The following SEC63 variants were observed in gnomAD, a reference collection of about 807,000 sequenced individuals.
SEC63 encodes translocation protein SEC63 homolog.
In SEC63, 56 loss-of-function variants were observed where a neutral mutation model predicts 116.2. The observed-to-expected ratio is 0.48, with a 90% CI of 0.39 to 0.60. The LOEUF is 0.60. SEC63 is among the 20% of genes least tolerant of loss of function. The pLI is 0.00. For synonymous variants in SEC63, 273 were observed against 294.6 expected, an observed-to-expected ratio of 0.93 and a Z score of 0.75; for missense variants, 668 against 900.0, an observed-to-expected ratio of 0.74 and a Z score of 3.30.
chr6:107,919,348 A>G (rs528539247), intron 4 of SEC63, among the ~76,000 whole-genome samples: 11 of 152,356 alleles, frequency 7.2e-5, no homozygotes, highest in African/African-American at 2.6e-4. Context: ...CTGCAATCTC[A>G]TGATCGAACT....
chr6:107,868,303 G>A lies in SEC63; in HGVS notation c.*3401C>T, dbSNP rs1786046794. 1.3e-5 allele frequency: 2 copies of A among 152,078 alleles called. No homozygotes were observed. The highest frequency in any genetic ancestry group is 4.8e-5 in the African/African-American group (2 of 41,404). The allele number at this position is 152,078 out of a possible 1,614,324, so 9.4% of individuals were successfully genotyped here. On this transcript the variant is annotated 3_prime_UTR_variant, in exon 21 of 21. Coordinates refer to ENST00000369002, the MANE Select transcript of SEC63 (RefSeq NM_007214.5). ...TTTCCAAAAAAACCCAACAGGCTGG[G>A]CGCAGTGGCTCATGCCTGTAATGCC... is the stretch of plus-strand genomic sequence containing the variant.
At chr6:107,886,580 T>A (rs1327155636) in intron 16 of SEC63, among the ~76,000 whole-genome samples, 1 of 152,156 alleles carries the variant, frequency 6.6e-6, no homozygotes, top group Non-Finnish European at 1.5e-5. Context: ...CTCATTGTGG[T>A]TTTGATTTGC....
intron 19 of SEC63, among the ~76,000 whole-genome samples, chr6:107,874,567 G>A (rs1480725187): frequency 8.0e-5 from 11 of 138,102 alleles, no homozygotes; most frequent in Admixed American, 4.0e-4. Context: ...CTGCACTCCA[G>A]CCTGGGCGAC....
intron 4 of SEC63, among the ~76,000 whole-genome samples, chr6:107,914,704 G>A (rs1391578637): frequency 6.6e-6 from 1 of 152,094 alleles, no homozygotes; most frequent in East Asian, 1.9e-4. Context: ...TTTTGTCCTA[G>A]ATCCCCTGTA....
chr6:107,886,557 C>T (rs552239843), intron 16 of SEC63, among the ~76,000 whole-genome samples: 21 of 151,756 alleles, frequency 1.4e-4, no homozygotes, highest in African/African-American at 5.1e-4. Context: ...TTCTAACTGG[C>T]GTGAGATGGT....
chr6:107,953,777 CCG>C (rs1770635560), intron 1 of SEC63, among the ~76,000 whole-genome samples: 2 of 145,350 alleles, frequency 1.4e-5, no homozygotes, highest in Non-Finnish European at 3.1e-5. Flanking sequence ...GCCAGCCGCC[CCG>C]TCCGGGAGGG....
At chr6:107,937,451 T>C (rs1770281301) in intron 1 of SEC63, among the ~76,000 whole-genome samples, 1 of 151,660 alleles carries the variant, frequency 6.6e-6, no homozygotes, top group Non-Finnish European at 1.5e-5. Flanking sequence ...TCCAGTCCGC[T>C]ATTGATAGAC....
chr6:107,893,739 A>T, intron 15 of SEC63, 84 bp from the exon 16 acceptor site: 1 of 1,588,058 alleles, frequency 6.3e-7, no homozygotes, highest in Non-Finnish European at 8.6e-7. Context: ...GGAAATAGCT[A>T]AACTGAATTA....
In SEC63 at chr6:107,872,953, G is replaced by A. The variant is rs1480637960; in HGVS notation, c.2035-41C>T. On this transcript the variant is annotated intron_variant, in intron 19 of 20. Coordinates refer to ENST00000369002, the MANE Select transcript of SEC63 (RefSeq NM_007214.5). ...AGCACTTAAAAATCTGTATTATGGG[G>A]AGGAAACAGCTCACTCCCTAAAATT... 3 of 1,285,830 alleles carry A rather than the reference G, an allele frequency of 2.3e-6. No individual in the cohort carries two copies. In the African/African-American group the frequency reaches 4.4e-5, roughly 19 times the overall value. 79.7% of individuals were successfully genotyped at this position (1,285,830 alleles called of 1,614,324 possible). A position where few individuals can be genotyped will look rare whatever the true frequency, so the allele number is the denominator to read the frequency against.
chr6:107,906,158 C>A (rs1350802494), intron 10 of SEC63, among the ~76,000 whole-genome samples: 1 of 152,132 alleles, frequency 6.6e-6, no homozygotes, highest in Non-Finnish European at 1.5e-5. Context: ...TGGCATCTCC[C>A]CCATCTCTCT....
chr6:107,934,933 G>A (rs1157641820), intron 1 of SEC63, among the ~76,000 whole-genome samples: 1 of 67,812 alleles, frequency 1.5e-5, no homozygotes, highest in African/African-American at 6.7e-5. Flanking sequence ...ACCCCGTCCA[G>A]GAGGGAGGTG....
At chr6:107,954,430 C>T (rs1770662553) in intron 1 of SEC63, among the ~76,000 whole-genome samples, 1 of 147,532 alleles carries the variant, frequency 6.8e-6, no homozygotes, top group Non-Finnish European at 1.5e-5. Context: ...CCTGCCAAAT[C>T]CCCCTCTGTG....
At chr6:107,956,570 A>G (rs1302791679) in intron 1 of SEC63, among the ~76,000 whole-genome samples, 2 of 152,252 alleles carry the variant, frequency 1.3e-5, no homozygotes, top group Non-Finnish European at 2.9e-5. Context: ...GAGTAAAAAA[A>G]GTATTAAGAC....
intron 1 of SEC63, among the ~76,000 whole-genome samples, chr6:107,941,261 G>C (rs1379860422): frequency 2.0e-5 from 3 of 151,996 alleles, no homozygotes; most frequent in Non-Finnish European, 4.4e-5. Context: ...ATTTGAGCCT[G>C]GGCAACATAG....
chr6:107,901,748 T>C (rs1057161628), intron 12 of SEC63, among the ~76,000 whole-genome samples: 1 of 152,076 alleles, frequency 6.6e-6, no homozygotes. Context: ...CTTATTTTTT[T>C]AAATTAGAAA....
At chr6:107,871,944 C>A (rs642954) in intron 20 of SEC63, 97 bp from the exon 21 acceptor site, 3 of 1,224,302 alleles carry the variant, frequency 2.5e-6, no homozygotes, top group Non-Finnish European at 3.5e-6. Flanking sequence ...ACAGCAATTA[C>A]AAAGAAATAG....
chr6:107,943,923 G>A (rs765530631), intron 1 of SEC63, among the ~76,000 whole-genome samples: 1 of 152,186 alleles, frequency 6.6e-6, no homozygotes, highest in Non-Finnish European at 1.5e-5. Context: ...GCTGACTTCT[G>A]TTATAAAGGA....
At chr6:107,900,679 C>A (rs1786980678) in intron 13 of SEC63, among the ~76,000 whole-genome samples, 1 of 152,052 alleles carries the variant, frequency 6.6e-6, no homozygotes, top group Non-Finnish European at 1.5e-5. Context: ...AAAATAAAGA[C>A]AGAAACCATT....
At chr6:107,893,244 T>C (rs1476896175) in intron 16 of SEC63, among the ~76,000 whole-genome samples, 1 of 152,010 alleles carries the variant, frequency 6.6e-6, no homozygotes, top group Non-Finnish European at 1.5e-5. Flanking sequence ...ATGACACTTA[T>C]ATGACCTTTA....
Sources: gnomAD v4.1 joint callset for allele counts (sites outside exome capture counted in the v4.1 genomes callset) on GRCh38, gnomAD v4.1.1 for gene constraint, MANE v1.5 for transcripts, NCBI Gene and HGNC (gene_info 2026-07-23, HGNC 2026-07-21) for gene names.